Variants in PHACTR3 observed in about 807,000 individuals in gnomAD.
The protein encoded by PHACTR3 is phosphatase and actin regulator 3, also known as protein phosphatase 1, regulatory subunit 123.
PHACTR3 carries 16 observed loss-of-function variants against 66.8 expected under a neutral mutation model. The ratio of observed to expected loss-of-function variants is 0.24; its 90% CI spans 0.16 to 0.36. The LOEUF is 0.36. PHACTR3 is among the 10% of genes least tolerant of loss of function. The pLI is 1.00. For synonymous variants in PHACTR3, 323 were observed against 292.1 expected, an observed-to-expected ratio of 1.11 and a Z score of -1.08; for missense variants, 647 against 719.9, an observed-to-expected ratio of 0.90 and a Z score of 1.16.
intron 1 of PHACTR3, among the ~76,000 whole-genome samples, chr20:59,590,103 G>A (rs572579304): frequency 9.2e-5 from 14 of 152,294 alleles, no homozygotes; most frequent in Admixed American, 7.2e-4. Context: ...GTGCACTCAC[G>A]TGTGCATGTG....
intron 1 of PHACTR3, among the ~76,000 whole-genome samples, chr20:59,670,604 G>T (rs2036155612): frequency 2.3e-5 from 3 of 128,412 alleles, no homozygotes; most frequent in African/African-American, 9.6e-5. Context: ...TCTGCCGGGG[G>T]TGGGGGGGGG....
At chr20:59,726,968 A>G (rs534846751) in intron 1 of PHACTR3, among the ~76,000 whole-genome samples, 1 of 152,282 alleles carries the variant, frequency 6.6e-6, no homozygotes, top group East Asian at 1.9e-4. Flanking sequence ...TAAATAACCA[A>G]AGAGTACAGT....
chr20:59,814,750 T>C (rs2041838365), intron 8 of PHACTR3, among the ~76,000 whole-genome samples: 1 of 152,158 alleles, frequency 6.6e-6, no homozygotes, highest in East Asian at 1.9e-4. Flanking sequence ...TCCAGTGAAA[T>C]AAGCCCTATC....
chr20:59,843,322 A>AT (rs2059097410), intron 11 of PHACTR3: 1 of 152,088 alleles, frequency 6.6e-6, no homozygotes, highest in African/African-American at 2.4e-5. Flanking sequence ...TACCAATGTC[A>AT]TTTTTCACAA....
intron 1 of PHACTR3, among the ~76,000 whole-genome samples, chr20:59,740,096 C>T (rs887010271): frequency 6.6e-6 from 1 of 152,088 alleles, no homozygotes; most frequent in African/African-American, 2.4e-5. Context: ...CAGTGACCAG[C>T]GTTTACTCCA....
At chr20:59,755,505 C>A in intron 4 of PHACTR3, 141 bp downstream of exon 4, 1 of 966,916 alleles carries the variant, frequency 1.0e-6, no homozygotes, top group Non-Finnish European at 1.5e-6. Context: ...TAAGCGCTGC[C>A]ATGCTGTGCT....
intron 1 of PHACTR3, among the ~76,000 whole-genome samples, chr20:59,615,945 C>T (rs1378671231): frequency 1.3e-5 from 2 of 152,162 alleles, no homozygotes; most frequent in Admixed American, 1.3e-4. Flanking sequence ...AGTCTGTGGG[C>T]TCCTGGAGTC....
chr20:59,841,751 A>G (rs1409673508), intron 11 of PHACTR3, among the ~76,000 whole-genome samples: 1 of 152,188 alleles, frequency 6.6e-6, no homozygotes, highest in African/African-American at 2.4e-5. Context: ...GGCAATGTCT[A>G]GAGACATTTT....
chr20:59,846,804 A>G (rs1292009795), intron 12 of PHACTR3, among the ~76,000 whole-genome samples: 1 of 152,210 alleles, frequency 6.6e-6, no homozygotes, highest in African/African-American at 2.4e-5. Flanking sequence ...ATAATTTATT[A>G]ACAAATTCAT....
chr20:59,717,108 T>C (rs2038122000), intron 1 of PHACTR3, among the ~76,000 whole-genome samples: 2 of 152,236 alleles, frequency 1.3e-5, no homozygotes, highest in African/African-American at 4.8e-5. Context: ...TAAGAAGTTG[T>C]TTTATTCCTA....
intron 1 of PHACTR3, among the ~76,000 whole-genome samples, chr20:59,666,295 C>T (rs1053377336): frequency 6.6e-6 from 1 of 152,240 alleles, no homozygotes; most frequent in Admixed American, 6.5e-5. Flanking sequence ...CAAGCCACGG[C>T]CCCACATGCC....
chr20:59,606,820 C>T (rs557855224), intron 1 of PHACTR3, among the ~76,000 whole-genome samples: 10 of 152,014 alleles, frequency 6.6e-5, no homozygotes, highest in African/African-American at 2.2e-4. Context: ...TTAAGTTATG[C>T]GTGGGAGGGC....
chr20:59,602,685 G>GC (rs2033514030), upstream of PHACTR3, among the ~76,000 whole-genome samples: 1 of 152,140 alleles, frequency 6.6e-6, no homozygotes, highest in African/African-American at 2.4e-5. Context: ...TTCTGCACCT[G>GC]CCGTGGCTGG....
intron 5 of PHACTR3, among the ~76,000 whole-genome samples, chr20:59,768,681 C>T (rs1202771232): frequency 6.6e-6 from 1 of 152,246 alleles, no homozygotes; most frequent in African/African-American, 2.4e-5. Context: ...CTCGGGAGGG[C>T]TGGGTCCCAG....
chr20:59,651,087 A>C (rs1028231639), intron 1 of PHACTR3, among the ~76,000 whole-genome samples: 2 of 152,138 alleles, frequency 1.3e-5, no homozygotes, highest in African/African-American at 4.8e-5. Flanking sequence ...TGGGTTGACC[A>C]TGGTGGTGTA....
chr20:59,817,592 A>AC (rs2041921930), intron 8 of PHACTR3, among the ~76,000 whole-genome samples: 1 of 152,202 alleles, frequency 6.6e-6, no homozygotes, highest in African/African-American at 2.4e-5. Flanking sequence ...GAAGTCACAG[A>AC]CCCAAATGCT....
intron 1 of PHACTR3, among the ~76,000 whole-genome samples, chr20:59,679,956 C>T (rs1007492585): frequency 2.0e-5 from 3 of 152,148 alleles, no homozygotes; most frequent in African/African-American, 7.2e-5. Context: ...ATCAGGCACA[C>T]GCATCGCTTT....
intron 1 of PHACTR3, among the ~76,000 whole-genome samples, chr20:59,702,630 A>G (rs891896001): frequency 2.0e-5 from 3 of 152,128 alleles, no homozygotes; most frequent in Non-Finnish European, 4.4e-5. Context: ...AGAGGGAGGG[A>G]CCACATCTGG....
intron 1 of PHACTR3, among the ~76,000 whole-genome samples, chr20:59,693,364 A>T (rs1019361701): frequency 1.3e-5 from 2 of 152,130 alleles, no homozygotes; most frequent in East Asian, 3.8e-4. Context: ...CAGAATCATC[A>T]CCTACTTTTA....
Sources: gnomAD v4.1 joint callset for allele counts (sites outside exome capture counted in the v4.1 genomes callset) on GRCh38, gnomAD v4.1.1 for gene constraint, MANE v1.5 for transcripts, NCBI Gene and HGNC (gene_info 2026-07-23, HGNC 2026-07-21) for gene names.